The following UBLCP1 variants were observed in gnomAD, a reference collection of about 807,000 sequenced individuals.
UBLCP1 encodes the protein ubiquitin-like domain-containing CTD phosphatase 1.
In UBLCP1, 28 loss-of-function variants were observed where a neutral mutation model predicts 42.4. The observed-to-expected ratio is 0.66, with a 90% CI of 0.49 to 0.90. The LOEUF (loss-of-function observed/expected upper bound fraction) is 0.90, where lower values mean the gene tolerates loss of function less well. Among genes scored for constraint, UBLCP1 ranks in the 40% least tolerant of loss-of-function variants. UBLCP1 has a pLI of 0.00. For missense variants in UBLCP1, 279 were observed against 374.5 expected, an observed-to-expected ratio of 0.75 and a Z score of 2.10; for synonymous variants, 122 against 120.8, an observed-to-expected ratio of 1.01 and a Z score of -0.07.
intron 7 of UBLCP1, 125 bp downstream of exon 7, chr5:159,274,747 T>C (rs1753512658): frequency 1.3e-6 from 1 of 786,036 alleles, no homozygotes; most frequent in Non-Finnish European, 2.1e-6. Context: ...AATGCCATTA[T>C]TGGGAGTAGA....
chr5:159,284,456 C>T (rs1753645756), intron 10 of UBLCP1, among the ~76,000 whole-genome samples: 1 of 152,112 alleles, frequency 6.6e-6, no homozygotes, highest in Non-Finnish European at 1.5e-5. Flanking sequence ...GCATCTTTTG[C>T]CCACTGTCTT....
rs563003294 is a variant in UBLCP1 at position 159,265,045 on chromosome 5, T to A, written c.-47+1685T>A. On this transcript the variant is annotated intron_variant, in intron 1 of 10. Coordinates refer to ENST00000296786, the MANE Select transcript of UBLCP1 (RefSeq NM_145049.5). ...TGAAGAATATAACATTTGTTATAGT[T>A]CTGTCTAAAATGGAATACGTTACCC... Among the ~76,000 whole-genome samples the A allele has an allele frequency of 1.2e-3, 183 of 152,386 alleles. 2 individuals carry two copies. The highest frequency in any genetic ancestry group is 4.2e-3 in the African/African-American group (176 of 41,594).
chr5:159,278,335 A>G lies in UBLCP1; in HGVS notation c.782A>G (p.Asn261Ser). ...FDDIGRNFLM[N>S]PQNGLKIRPF... is the part of the protein sequence containing the mutation. Reference sequence around the variant, plus strand: ...GACATAGGGAGAAATTTTCTAATGAACCCACAGAATGGACTAAAGGTAAGA... The same window carrying G: ...GACATAGGGAGAAATTTTCTAATGAGCCCACAGAATGGACTAAAGGTAAGA... Residue 261 changes from asparagine (N) to serine (S), a missense_variant, in exon 9 of 11, where the codon AAC becomes AGC. By Grantham distance (46) the Asn-to-Ser change is conservative. Transcript: ENST00000296786. 6.2e-7 allele frequency: 1 copy of G among 1,611,996 alleles called. No individual in the cohort carries two copies. The highest frequency in any genetic ancestry group is 8.5e-7 in the Non-Finnish European group (1 of 1,178,134).
intron 9 of UBLCP1, among the ~76,000 whole-genome samples, chr5:159,281,447 C>T (rs1196279637): frequency 6.6e-6 from 1 of 152,186 alleles, no homozygotes; most frequent in African/African-American, 2.4e-5. Context: ...TGTAAAGCGT[C>T]GTCTTCAGCC....
At chr5:159,267,423 C>A (rs1163476850) in intron 1 of UBLCP1, among the ~76,000 whole-genome samples, 2 of 152,154 alleles carry the variant, frequency 1.3e-5, no homozygotes, top group African/African-American at 4.8e-5. Context: ...AAGTAAATAG[C>A]TTTCTTTTGA....
chr5:159,263,925 A>G (rs1753340588), intron 1 of UBLCP1, among the ~76,000 whole-genome samples: 1 of 152,124 alleles, frequency 6.6e-6, no homozygotes, highest in African/African-American at 2.4e-5. Flanking sequence ...GGGCAAGTTT[A>G]ATTTCTTTTC....
chr5:159,264,176 T>A (rs1450030656), intron 1 of UBLCP1, among the ~76,000 whole-genome samples: 1 of 152,186 alleles, frequency 6.6e-6, no homozygotes, highest in Non-Finnish European at 1.5e-5. Context: ...CTAGGCAAAG[T>A]CAACACAGTA....
At chr5:159,273,989 T>C (rs1562099684) in intron 6 of UBLCP1, among the ~76,000 whole-genome samples, 1 of 152,146 alleles carries the variant, frequency 6.6e-6, no homozygotes, top group Non-Finnish European at 1.5e-5. Flanking sequence ...GTATTAATGA[T>C]CTCAAAGCTG....
chr5:159,273,649 G>A (rs896376307), intron 6 of UBLCP1, among the ~76,000 whole-genome samples: 4 of 152,100 alleles, frequency 2.6e-5, no homozygotes, highest in Non-Finnish European at 5.9e-5. Context: ...CAGATACAAA[G>A]TAAGTACCGG....
chr5:159,275,550 A>G (rs1753524279), intron 8 of UBLCP1, among the ~76,000 whole-genome samples: 1 of 151,640 alleles, frequency 6.6e-6, no homozygotes, highest in Non-Finnish European at 1.5e-5. Flanking sequence ...AGCTGGGACT[A>G]CAGGCACCCG....
In UBLCP1 at chr5:159,269,047, G is replaced by A. The variant is rs1454692424; in HGVS notation, c.132G>A (p.Lys44=). Residue 44 remains lysine (K), a synonymous_variant, in exon 2 of 11, where the codon AAG becomes AAA. Transcript: ENST00000296786. ...TLTGVLPERQ[K]LLGLKVKGKP... ...CAGGAGTTCTTCCAGAACGCCAAAA[G>A]TTACTTGGACTCAAAGTTAAAGGTA... 18 of 1,588,198 alleles carry A rather than the reference G, an allele frequency of 1.1e-5. No individual in the cohort carries two copies. The highest frequency in any genetic ancestry group is 1.5e-5 in the Non-Finnish European group (18 of 1,170,774).
rs1753471985 is a variant in UBLCP1, at chr5:159,271,915, A to C, written c.449-108A>C. The C allele has an allele frequency of 1.5e-4, 104 of 716,994 alleles. No individual in the cohort carries two copies. In the South Asian group the frequency reaches 2.2e-3, roughly 15 times the overall value. 44.4% of individuals were successfully genotyped at this position (716,994 alleles called of 1,614,324 possible). A position where few individuals can be genotyped will look rare whatever the true frequency, so the allele number is the denominator to read the frequency against. On this transcript the variant is annotated intron_variant, in intron 5 of 10. Transcript: ENST00000296786. The stretch of plus-strand genomic sequence containing the variant: ...ATTCAGTCTGAAGCAGTTTGCAATG[A>C]AATGTTTATGTTTGCATTTCGTAAT...
chr5:159,270,675 G>C (rs780412711), intron 5 of UBLCP1, 32 bp downstream of exon 5: 1 of 1,340,682 alleles, frequency 7.5e-7, no homozygotes, highest in South Asian at 1.5e-5. Context: ...TTCATTTTCT[G>C]TTACCCACAA....
intron 1 of UBLCP1, among the ~76,000 whole-genome samples, chr5:159,264,748 C>A (rs772455710): frequency 1.1e-4 from 17 of 152,192 alleles, no homozygotes; most frequent in Non-Finnish European, 1.6e-4. Context: ...ACCCCAATTA[C>A]ATTTCTACCA....
rs1037863209 is a variant in UBLCP1, at chr5:159,263,352, G to C, written c.-55G>C. The stretch of plus-strand genomic sequence containing the variant: ...TGCGTCCGCTGCCGCAGGTTCCACC[G>C]CGCTCCAGGTGAGGGGTTGCGGGGC... On this transcript the variant is annotated 5_prime_UTR_variant, in exon 1 of 11. Transcript: ENST00000296786. 2 of 151,826 alleles carry C rather than the reference G, an allele frequency of 1.3e-5. No individual in the cohort carries two copies. The highest frequency in any genetic ancestry group is 4.8e-5 in the African/African-American group (2 of 41,324). 9.4% of individuals were successfully genotyped at this position (151,826 alleles called of 1,614,324 possible).
rs933226306 is a variant in UBLCP1, at chr5:159,285,172, G to A, written c.*241G>A. 2.5e-6 allele frequency: 1 copy of A among 395,968 alleles called. No individual in the cohort carries two copies. The highest frequency in any genetic ancestry group is 2.1e-5 in the African/African-American group (1 of 46,958). The allele number at this position is 395,968 out of a possible 1,614,324, so 24.5% of individuals were successfully genotyped here. ...TTGAAAAATATTTTCTCCAGCGTTG[G>A]TTACTGACCACCCCACCCTCCCACC... On this transcript the variant is annotated 3_prime_UTR_variant, in exon 11 of 11. Transcript: ENST00000296786.
chr5:159,271,887 G>A lies in UBLCP1; in HGVS notation c.449-136G>A, dbSNP rs867333192. The A allele has an allele frequency of 7.0e-5, 38 of 542,720 alleles. No homozygotes were observed. The Middle Eastern group carries it at 1.5e-3, about 21-fold the overall frequency. 33.6% of individuals were successfully genotyped at this position (542,720 alleles called of 1,614,324 possible). A position where few individuals can be genotyped will look rare whatever the true frequency, so the allele number is the denominator to read the frequency against. On this transcript the variant is annotated intron_variant, in intron 5 of 10. Transcript: ENST00000296786. ...GAAAGACATCTTTTTGTCAGCCAAC[G>A]TAATTCAGTCTGAAGCAGTTTGCAA...
At chr5:159,280,550 A>G (rs1562101448) in intron 9 of UBLCP1, among the ~76,000 whole-genome samples, 1 of 152,172 alleles carries the variant, frequency 6.6e-6, no homozygotes, top group Non-Finnish European at 1.5e-5. Context: ...CGATCCACCT[A>G]TCTCGGCCTC....
At chr5:159,275,047 G>A in intron 7 of UBLCP1, 101 bp from the exon 8 acceptor site, 2 of 966,834 alleles carry the variant, frequency 2.1e-6, no homozygotes, top group Non-Finnish European at 3.3e-6. Flanking sequence ...GGCCAGTGGT[G>A]TAGAAAGTTG....
Sources: gnomAD v4.1 joint callset for allele counts (sites outside exome capture counted in the v4.1 genomes callset) on GRCh38, gnomAD v4.1.1 for gene constraint, MANE v1.5 for transcripts, NCBI Gene and HGNC (gene_info 2026-07-23, HGNC 2026-07-21) for gene names.